Variants in SLC25A26 observed in about 807,000 individuals in gnomAD.
SLC25A26 encodes the protein solute carrier family 25 member 26, also known as mitochondrial S-adenosylmethionine carrier protein.
In SLC25A26, 36 loss-of-function variants were observed where a neutral mutation model predicts 37.8. That is an observed-to-expected ratio of 0.95 (90% CI 0.73 to 1.26). The LOEUF (loss-of-function observed/expected upper bound fraction) is 1.26, where lower values mean the gene tolerates loss of function less well. Ranked by LOEUF, SLC25A26 falls within the 50% of genes most tolerant of loss-of-function variation. The pLI is 0.00. For missense variants in SLC25A26, 390 were observed against 331.1 expected (o/e 1.18, Z -1.38); for synonymous variants, 129 against 122.5 (o/e 1.05, Z -0.35).
intron 6 of SLC25A26, among the ~76,000 whole-genome samples, chr3:66,350,101 G>C (rs1008790082): frequency 6.6e-6 from 1 of 152,108 alleles, no homozygotes; most frequent in South Asian, 2.1e-4. Context: ...TGAGTTTGCA[G>C]CTATAGAAGG....
chr3:66,234,743 C>T (rs954324960), intron 1 of SLC25A26, among the ~76,000 whole-genome samples: 2 of 152,154 alleles, frequency 1.3e-5, no homozygotes, highest in South Asian at 4.1e-4. Flanking sequence ...TGTAGCATTG[C>T]ACATTTTGTA....
rs2073876266 is a variant in SLC25A26, at chr3:66,269,397, T to C, written c.453+6018T>C. 2.6e-5 allele frequency among the ~76,000 whole-genome samples: 4 copies of C among 152,236 alleles called. No homozygotes were observed. In the South Asian group the frequency reaches 6.2e-4, roughly 24 times the overall value. ...GAGAGTGTTATATCCAGATGTCTTA[T>C]TGAGAGACATCTTTATAATAGTAAA... On this transcript the variant is annotated intron_variant, in intron 5 of 9. Coordinates refer to ENST00000354883, the MANE Select transcript of SLC25A26 (RefSeq NM_001379210.1).
chr3:66,334,649 C>G (rs1172811659), intron 5 of SLC25A26, among the ~76,000 whole-genome samples: 1 of 152,154 alleles, frequency 6.6e-6, no homozygotes, highest in Non-Finnish European at 1.5e-5. Context: ...TAGCAGGTTT[C>G]TGTCATCCCT....
chr3:66,325,700 C>T (rs1027918278), intron 5 of SLC25A26, among the ~76,000 whole-genome samples: 1 of 152,116 alleles, frequency 6.6e-6, no homozygotes, highest in Non-Finnish European at 1.5e-5. Context: ...GGAGATAAGG[C>T]CAGTGTAGCG....
intron 5 of SLC25A26, among the ~76,000 whole-genome samples, chr3:66,316,116 T>G (rs541060508): frequency 1.8e-4 from 28 of 152,358 alleles, no homozygotes; most frequent in African/African-American, 6.7e-4. Flanking sequence ...CATTTACATT[T>G]AAGGTTACTA....
intron 5 of SLC25A26, among the ~76,000 whole-genome samples, chr3:66,337,001 G>A (rs1422860529): frequency 6.6e-6 from 1 of 152,078 alleles, no homozygotes; most frequent in African/African-American, 2.4e-5. Context: ...ACATGTGTTG[G>A]AAAATCTTGA....
chr3:66,354,631 G>T (rs2076534626), intron 6 of SLC25A26, among the ~76,000 whole-genome samples: 1 of 152,136 alleles, frequency 6.6e-6, no homozygotes, highest in Admixed American at 6.5e-5. Flanking sequence ...AAATTTCTCT[G>T]ATACTTTTAG....
chr3:66,288,461 T>C (rs1250456461), intron 5 of SLC25A26, among the ~76,000 whole-genome samples: 2 of 152,150 alleles, frequency 1.3e-5, no homozygotes, highest in Non-Finnish European at 2.9e-5. Flanking sequence ...ATCCTGATGC[T>C]ATCCCTCCTG....
chr3:66,186,273 T>TGTC lies in SLC25A26; in HGVS notation c.-353-34468_-353-34466dup, dbSNP rs1426033168. 9.5e-3 allele frequency among the ~76,000 whole-genome samples: 1,438 copies of TGTC among 152,024 alleles called. 17 individuals carry two copies. Among genetic ancestry groups the TGTC allele is most frequent in the Admixed American group, 0.015 (236 of 15,270 alleles). On this transcript the variant is annotated intron_variant, in intron 1 of 10. Coordinates refer to the SLC25A26 transcript ENST00000676754. ...CTGACCCTCAACCTTTCATACTGAC[T>TGTC]GTCATCATCATGATATTATCTCACT...
chr3:66,280,228 C>T (rs1576783097), intron 5 of SLC25A26, among the ~76,000 whole-genome samples: 1 of 152,282 alleles, frequency 6.6e-6, no homozygotes, highest in South Asian at 2.1e-4. Context: ...GTTCTTACCA[C>T]ATTATTTTTC....
intron 1 of SLC25A26, among the ~76,000 whole-genome samples, chr3:66,138,275 C>T (rs2069977997): frequency 6.6e-6 from 1 of 152,096 alleles, no homozygotes; most frequent in African/African-American, 2.4e-5. Flanking sequence ...ATGTATACAT[C>T]TGAAGTATGG....
chr3:66,316,318 G>C (rs148386633), intron 5 of SLC25A26, among the ~76,000 whole-genome samples: 27 of 152,212 alleles, frequency 1.8e-4, no homozygotes, highest in African/African-American at 6.0e-4. Flanking sequence ...TGGTGCTGAT[G>C]AATTCCCTCA....
intron 1 of SLC25A26, among the ~76,000 whole-genome samples, chr3:66,186,000 C>A (rs1050241637): frequency 0.12 from 18,884 of 151,910 alleles, 1,438 homozygotes; most frequent in African/African-American, 0.21. Flanking sequence ...ATGACCCTGA[C>A]CCTCACCATG....
At chr3:66,303,801 G>T (rs1171817039) in intron 5 of SLC25A26, among the ~76,000 whole-genome samples, 1 of 152,232 alleles carries the variant, frequency 6.6e-6, no homozygotes, top group Non-Finnish European at 1.5e-5. Flanking sequence ...CACAGTGACA[G>T]TCAAGGTGTT....
chr3:66,294,013 G>T (rs1057077426), intron 5 of SLC25A26, among the ~76,000 whole-genome samples: 13 of 151,152 alleles, frequency 8.6e-5, no homozygotes, highest in African/African-American at 2.9e-4. Flanking sequence ...CTTTTTTTTT[G>T]TTCCATATGA....
At chr3:66,173,833 A>G (rs537636235) in intron 1 of SLC25A26, among the ~76,000 whole-genome samples, 80 of 152,252 alleles carry the variant, frequency 5.3e-4, no homozygotes, top group Middle Eastern at 6.8e-3. Context: ...TGGGTGGATC[A>G]CAAGGTCAGG....
chr3:66,208,048 A>C (rs1379887312), intron 1 of SLC25A26, among the ~76,000 whole-genome samples: 33 of 152,214 alleles, frequency 2.2e-4, no homozygotes, highest in Non-Finnish European at 3.7e-4. Flanking sequence ...AAAAGACTTT[A>C]TATAGTTAAA....
chr3:66,361,655 A>G (rs2107802605), intron 6 of SLC25A26, among the ~76,000 whole-genome samples: 1 of 152,308 alleles, frequency 6.6e-6, no homozygotes, highest in Admixed American at 6.5e-5. Context: ...ACTCAACATC[A>G]TTAGGGAAAT....
At chr3:66,250,438 A>C (rs1354496911) in intron 3 of SLC25A26, among the ~76,000 whole-genome samples, 5 of 152,232 alleles carry the variant, frequency 3.3e-5, no homozygotes, top group African/African-American at 1.2e-4. Context: ...ACAATGGTGC[A>C]AGAGTGAGAT....
Sources: gnomAD v4.1 joint callset for allele counts (sites outside exome capture counted in the v4.1 genomes callset) on GRCh38, gnomAD v4.1.1 for gene constraint, MANE v1.5 for transcripts, NCBI Gene and HGNC (gene_info 2026-07-23, HGNC 2026-07-21) for gene names.